ROPN1L: variants seen among roughly 807,000 people sequenced by gnomAD.
The protein encoded by ROPN1L is rhophilin associated tail protein 1 like.
In ROPN1L, 23 loss-of-function variants were observed where a neutral mutation model predicts 22.7. The ratio of observed to expected loss-of-function variants is 1.01; its 90% CI spans 0.73 to 1.43. The LOEUF is 1.43. Ranked by LOEUF, ROPN1L falls within the 40% of genes most tolerant of loss-of-function variation. The pLI is 0.00. For missense variants in ROPN1L, 271 were observed against 291.5 expected (o/e 0.93, Z 0.51); for synonymous variants, 116 against 117.8 (o/e 0.98, Z 0.10).
At chr5:10,465,695 T>TA (rs1280356349), downstream of ROPN1L, among the ~76,000 whole-genome samples, 13 of 147,714 alleles carry the variant, frequency 8.8e-5, no homozygotes, top group South Asian at 2.2e-4. Context: ...CTAGAAATAA[T>TA]AAAAAAATTA....
chr5:10,470,453 C>T (rs894649584), intron 4 of ROPN1L, among the ~76,000 whole-genome samples: 1 of 152,244 alleles, frequency 6.6e-6, no homozygotes, highest in Admixed American at 6.5e-5. Flanking sequence ...ACTCCTGTCC[C>T]TCTCAACTCT....
At position 10,461,175 on chromosome 5, in the gene ROPN1L, T is replaced by A. The variant is rs773322849; in HGVS notation, c.418-9T>A. 4 of 1,606,520 alleles carry A rather than the reference T, an allele frequency of 2.5e-6. No individual in the cohort carries two copies. The highest frequency in any genetic ancestry group is 3.4e-6 in the Non-Finnish European group (4 of 1,175,100). On this transcript the variant is annotated splice_polypyrimidine_tract_variant and intron_variant, in intron 3 of 4. Transcript: ENST00000274134. ...TGTTTTTCTCCCCACCTGGCTGTGG[T>A]GCTCCCAGTCCTTGAACACTGCGCT...
downstream of ROPN1L, among the ~76,000 whole-genome samples, chr5:10,475,205 T>C (rs58109812): frequency 0.061 from 9,332 of 152,194 alleles, 968 homozygotes; most frequent in African/African-American, 0.21. Flanking sequence ...TCTCTGCAGT[T>C]CTACAAGCCA....
chr5:10,464,921 GA>G lies in ROPN1L; in HGVS notation c.671del (p.Asn224ThrfsTer5). The G allele has an allele frequency of 6.2e-7, 1 of 1,601,944 alleles. No homozygotes were observed. The highest frequency in any genetic ancestry group is 1.7e-5 in the Admixed American group (1 of 58,526). On this transcript the variant is annotated frameshift_variant, in exon 5 of 5. Transcript: ENST00000274134. LOFTEE classifies it high-confidence loss of function. The part of the protein sequence containing the change: ...FPKRKLLESI[E>X]NSEDVGH ...AAAGAGGAAACTTTTAGAAAGCATT[GA>G]AAACTCTGAAGATGTAGGCCATTAA...
At chr5:10,442,354 C>G (rs1579638387) in intron 1 of ROPN1L, 56 bp downstream of exon 1, 1 of 1,593,958 alleles carries the variant, frequency 6.3e-7, no homozygotes, top group Admixed American at 1.7e-5. Context: ...CCAGACGAGC[C>G]CAGAGAGCCC....
Position 10,461,307 on chromosome 5 carries a change from G to A in ROPN1L, c.541G>A (p.Asp181Asn), listed in dbSNP as rs1735022313. 1 of 1,614,132 alleles carries A rather than the reference G, an allele frequency of 6.2e-7. No homozygotes were observed. Among genetic ancestry groups the A allele is most frequent in the African/African-American group, 1.3e-5 (1 of 75,022 alleles). The change falls in exon 4 of 5, where the codon GAT becomes AAT. Residue 181 changes from aspartate (D) to asparagine (N), a missense_variant. By Grantham distance (23) the Asp-to-Asn change is conservative. Transcript: ENST00000274134. ...CCGCTACTTGGCCAGATTAGACTCAGATGTGTCTCCCTTGGAGACGGAATC... is the reference window on the plus strand; with the variant it reads ...CCGCTACTTGGCCAGATTAGACTCAAATGTGTCTCCCTTGGAGACGGAATC... ...VYRYLARLDS[D>N]VSPLETESYL...
At chr5:10,452,313 GTC>G (rs1491331967) in intron 3 of ROPN1L, among the ~76,000 whole-genome samples, 1,840 of 140,524 alleles carry the variant, frequency 0.013, 15 homozygotes, top group Non-Finnish European at 0.018. Context: ...GTGTGTGTGT[GTC>G]TGTGTGTGTG....
intron 3 of ROPN1L, among the ~76,000 whole-genome samples, chr5:10,452,311 G>A (rs13155900): frequency 1.6e-5 from 2 of 128,340 alleles, no homozygotes; most frequent in East Asian, 4.2e-4. Flanking sequence ...GTGTGTGTGT[G>A]TGTCTGTGTG....
At chr5:10,481,833 A>G in the ROPN1L span, 1 of 152,216 alleles carries the variant, frequency 6.6e-6, no homozygotes, top group Non-Finnish European at 1.5e-5. Context: ...TGTTATCTTT[A>G]TAATATTAGG....
intron 1 of ROPN1L, among the ~76,000 whole-genome samples, chr5:10,444,525 A>G (rs1740993992): frequency 6.6e-6 from 1 of 150,898 alleles, no homozygotes; most frequent in African/African-American, 2.4e-5. Flanking sequence ...TCCTGACCTC[A>G]GGTGATCTAT....
downstream of ROPN1L, among the ~76,000 whole-genome samples, chr5:10,467,589 T>C (rs979513054): frequency 1.9e-4 from 29 of 152,206 alleles, no homozygotes; most frequent in African/African-American, 6.8e-4. Context: ...TCGTCAGTTA[T>C]GTATCTTATG....
intron 4 of ROPN1L, among the ~76,000 whole-genome samples, chr5:10,463,046 G>C (rs1416153173): frequency 6.6e-6 from 1 of 152,188 alleles, no homozygotes; most frequent in African/African-American, 2.4e-5. Context: ...ACTTGAGGAT[G>C]TCATTGACAT....
the ROPN1L span, chr5:10,477,914 A>G: frequency 1.3e-5 from 2 of 152,208 alleles, no homozygotes; most frequent in African/African-American, 4.8e-5. Context: ...TTGGTGACAG[A>G]GTGAGATTCT....
intron 3 of ROPN1L, among the ~76,000 whole-genome samples, chr5:10,459,311 G>C (rs1381246194): frequency 6.6e-6 from 1 of 150,654 alleles, no homozygotes; most frequent in Non-Finnish European, 1.5e-5. Context: ...CCTCCTCACC[G>C]GGTTCCCGCC....
chr5:10,461,961 G>A (rs1029911431), intron 4 of ROPN1L, among the ~76,000 whole-genome samples: 2 of 152,172 alleles, frequency 1.3e-5, no homozygotes, highest in African/African-American at 2.4e-5. Flanking sequence ...TCACCTTCCT[G>A]TTGGTCTCGA....
At chr5:10,481,435 G>T in the ROPN1L span, among the ~76,000 whole-genome samples, 2 of 152,184 alleles carry the variant, frequency 1.3e-5, no homozygotes, top group Admixed American at 1.3e-4. Flanking sequence ...GTGGATAGTG[G>T]CCTGGAGTGT....
At chr5:10,458,565 ACACCATCCCCCCTATG>A (rs1240565797) in intron 3 of ROPN1L, among the ~76,000 whole-genome samples, 27 of 43,584 alleles carry the variant, frequency 6.2e-4, no homozygotes, top group African/African-American at 2.5e-3. Context: ...CCCCCCATGT[ACACCATCCCCCCTATG>A]TACACCATCC....
chr5:10,447,624 C>A (rs1356754790), intron 1 of ROPN1L, among the ~76,000 whole-genome samples: 1 of 152,250 alleles, frequency 6.6e-6, no homozygotes, highest in African/African-American at 2.4e-5. Context: ...CGCCTATAAT[C>A]CCAGCACTTT....
At chr5:10,472,203 T>C (rs996962010), downstream of ROPN1L, among the ~76,000 whole-genome samples, 1 of 151,302 alleles carries the variant, frequency 6.6e-6, no homozygotes, top group Non-Finnish European at 1.5e-5. Flanking sequence ...GCATTTATTA[T>C]GTATTAAGTC....
Sources: allele counts gnomAD v4.1 joint callset (sites outside exome capture counted in the v4.1 genomes callset), GRCh38; gene constraint gnomAD v4.1.1; transcripts MANE v1.5; gene names NCBI Gene and HGNC (gene_info 2026-07-23, HGNC 2026-07-21).